Variants in VPS13D observed in about 807,000 individuals in gnomAD.
VPS13D encodes the protein intermembrane lipid transfer protein VPS13D.
Under a neutral mutation model 461.9 loss-of-function variants are expected in VPS13D, and 187 were observed. That is an observed-to-expected ratio of 0.40 (90% CI 0.36 to 0.46). The LOEUF is 0.46. VPS13D is among the 20% of genes least tolerant of loss of function. VPS13D has a pLI of 0.60. For synonymous variants in VPS13D, 1,951 were observed against 1,986.3 expected (o/e 0.98, Z 0.47); for missense variants, 4,711 against 5,364.9 (o/e 0.88, Z 3.81).
intron 65 of VPS13D, among the ~76,000 whole-genome samples, chr1:12,432,400 A>G (rs1428629404): frequency 2.0e-5 from 3 of 151,872 alleles, no homozygotes; most frequent in Non-Finnish European, 4.4e-5. Flanking sequence ...GTCTCAAAAA[A>G]AAAAAAAAAG....
chr1:12,248,116 T>TGACC, intron 5 of VPS13D, among the ~76,000 whole-genome samples: 1 of 152,204 alleles, frequency 6.6e-6, no homozygotes, highest in South Asian at 2.1e-4. Flanking sequence ...CTCTAACTCC[T>TGACC]GACCTCAGGT....
At chr1:12,433,067 G>A (rs997100958) in intron 65 of VPS13D, among the ~76,000 whole-genome samples, 2 of 152,158 alleles carry the variant, frequency 1.3e-5, no homozygotes, top group Non-Finnish European at 2.9e-5. Flanking sequence ...GGGGGCCCAC[G>A]CATATCTGCG....
chr1:12,451,626 G>C (rs1402431920), intron 65 of VPS13D, among the ~76,000 whole-genome samples: 1 of 152,230 alleles, frequency 6.6e-6, no homozygotes, highest in Non-Finnish European at 1.5e-5. Context: ...TAACCAAAGA[G>C]TTACAAATTG....
At chr1:12,261,239 T>G in intron 12 of VPS13D, 90 bp downstream of exon 12, 1 of 1,479,418 alleles carries the variant, frequency 6.8e-7, no homozygotes, top group Admixed American at 1.8e-5. Context: ...TTAACAAAAG[T>G]AGATATTTGG....
intron 65 of VPS13D, among the ~76,000 whole-genome samples, chr1:12,423,688 G>T (rs964502527): frequency 6.6e-6 from 1 of 152,208 alleles, no homozygotes; most frequent in Admixed American, 6.5e-5. Context: ...GCCTAGCCAT[G>T]ATCCAGTGGA....
chr1:12,267,473 C>G (rs1484480206), intron 14 of VPS13D, among the ~76,000 whole-genome samples: 1 of 152,112 alleles, frequency 6.6e-6, no homozygotes, highest in Non-Finnish European at 1.5e-5. Context: ...AACAAGCTGT[C>G]TAAATGGCTG....
Position 12,509,315 on chromosome 1 carries a change from T to C in VPS13D, c.*291T>C. 1 of 354,302 alleles carries C rather than the reference T, an allele frequency of 2.8e-6. No homozygotes were observed. Among genetic ancestry groups the C allele is most frequent in the Non-Finnish European group, 5.2e-6 (1 of 194,060 alleles). 21.9% of individuals were successfully genotyped at this position (354,302 alleles called of 1,614,324 possible). ...ATTTTTAGATTGCCCTGTATTTTGT[T>C]AACATGTATATATGTACAACAGTGT... On this transcript the variant is annotated 3_prime_UTR_variant, in exon 70 of 70. Coordinates refer to ENST00000620676, the MANE Select transcript of VPS13D (RefSeq NM_015378.4).
At chr1:12,295,284 C>T (rs1356085304) in intron 24 of VPS13D, among the ~76,000 whole-genome samples, 2 of 148,234 alleles carry the variant, frequency 1.3e-5, no homozygotes. Context: ...TAAATAGATA[C>T]TTTATAGTGG....
At chr1:12,399,168 A>G (rs1318950101) in intron 60 of VPS13D, among the ~76,000 whole-genome samples, 2 of 151,424 alleles carry the variant, frequency 1.3e-5, no homozygotes, top group Non-Finnish European at 2.9e-5. Context: ...CAGGTTGTGG[A>G]CTTAAAAAAT....
chr1:12,305,540 T>C (rs1642538190), intron 26 of VPS13D, among the ~76,000 whole-genome samples: 1 of 152,210 alleles, frequency 6.6e-6, no homozygotes, highest in Admixed American at 6.5e-5. Context: ...TCCTCCTGCC[T>C]CAGCCTCCCG....
chr1:12,394,862 C>T (rs1644474576), intron 60 of VPS13D, among the ~76,000 whole-genome samples: 2 of 152,214 alleles, frequency 1.3e-5, no homozygotes, highest in Admixed American at 6.5e-5. Context: ...ACATTAAAAG[C>T]AGAATGCCTA....
rs148516775 is a variant in VPS13D, at chr1:12,319,522, T to C, written c.7440T>C (p.Asp2480=). The change falls in exon 32 of 70, where the codon GAT becomes GAC. Residue 2480 remains aspartate (D), a synonymous_variant. Coordinates refer to ENST00000620676, the MANE Select transcript of VPS13D (RefSeq NM_015378.4). ...VTGTEFVVIE[D]VSCFDTNAII... Reference sequence around the variant, plus strand: ...GTACGGAGTTTGTGGTCATTGAAGATGTGTCCTGCTTCGACACCAATGCCA... The same window carrying C: ...GTACGGAGTTTGTGGTCATTGAAGACGTGTCCTGCTTCGACACCAATGCCA... The C allele has an allele frequency of 1.9e-6, 3 of 1,614,092 alleles. No individual in the cohort carries two copies. The highest frequency in any genetic ancestry group is 2.7e-5 in the African/African-American group (2 of 74,940).
chr1:12,470,327 A>G (rs1436593662), intron 67 of VPS13D, among the ~76,000 whole-genome samples: 1 of 152,172 alleles, frequency 6.6e-6, no homozygotes, highest in Non-Finnish European at 1.5e-5. Flanking sequence ...GACTTTACTA[A>G]TTGACCCCAG....
intron 65 of VPS13D, among the ~76,000 whole-genome samples, chr1:12,429,490 G>A (rs1644965587): frequency 6.6e-6 from 1 of 152,020 alleles, no homozygotes; most frequent in Non-Finnish European, 1.5e-5. Flanking sequence ...ATGGGGTTTC[G>A]CCATGTTGGC....
intron 10 of VPS13D, among the ~76,000 whole-genome samples, chr1:12,259,994 A>G (rs1480800825): frequency 1.3e-5 from 2 of 149,280 alleles, no homozygotes; most frequent in African/African-American, 2.5e-5. Flanking sequence ...GGGTGCTGCA[A>G]TAGTCCATAT....
chr1:12,485,107 G>A (rs1026622522), intron 67 of VPS13D, among the ~76,000 whole-genome samples: 1 of 152,162 alleles, frequency 6.6e-6, no homozygotes, highest in South Asian at 2.1e-4. Context: ...GACTTTAACT[G>A]GTTTACTTCA....
At chr1:12,365,722 T>G (rs956419502) in intron 52 of VPS13D, among the ~76,000 whole-genome samples, 2 of 151,030 alleles carry the variant, frequency 1.3e-5, no homozygotes, top group Non-Finnish European at 2.9e-5. Context: ...AAAAAAAAAT[T>G]CTTTCATCAA....
At chr1:12,268,969 C>T in intron 16 of VPS13D, 93 bp downstream of exon 16, 3 of 1,423,772 alleles carry the variant, frequency 2.1e-6, no homozygotes, top group Non-Finnish European at 1.9e-6. Context: ...TTCAGATGCT[C>T]TGATAGTGAC....
rs759466242 is a variant in VPS13D at position 12,379,434 on chromosome 1, C to T, written c.11082-54C>T. 6.3e-5 allele frequency: 95 copies of T among 1,518,732 alleles called. No homozygotes were observed. In the Admixed American group the frequency reaches 1.5e-3, roughly 23 times the overall value. 94.1% of individuals were successfully genotyped at this position (1,518,732 alleles called of 1,614,324 possible). On this transcript the variant is annotated intron_variant, in intron 56 of 69. Coordinates refer to ENST00000620676, the MANE Select transcript of VPS13D (RefSeq NM_015378.4). Reference sequence around the variant, plus strand: ...CCATCATCCTCATGTTCCCTTCAGGCGTGAAACAGTTGACTCGGAGGTTTC... The same window carrying T: ...CCATCATCCTCATGTTCCCTTCAGGTGTGAAACAGTTGACTCGGAGGTTTC...
Sources: gnomAD v4.1 joint callset for allele counts (sites outside exome capture counted in the v4.1 genomes callset) on GRCh38, gnomAD v4.1.1 for gene constraint, MANE v1.5 for transcripts, NCBI Gene and HGNC (gene_info 2026-07-23, HGNC 2026-07-21) for gene names.